SPATA19: variants seen among roughly 807,000 people sequenced by gnomAD.
The protein encoded by SPATA19 is spermatogenesis-associated protein 19, mitochondrial.
SPATA19 carries 19 observed loss-of-function variants against 25.0 expected under a neutral mutation model. The observed-to-expected ratio is 0.76, with a 90% CI of 0.53 to 1.11. The LOEUF is 1.11. Among genes scored for constraint, SPATA19 ranks in the 50% most tolerant of loss-of-function variants. The pLI is 0.00. For synonymous variants in SPATA19, 64 were observed against 69.3 expected (o/e 0.92, Z 0.38); for missense variants, 222 against 211.4 (o/e 1.05, Z -0.31).
At chr11:133,838,752 A>T (rs1345785520), downstream of SPATA19, among the ~76,000 whole-genome samples, 1 of 152,190 alleles carries the variant, frequency 6.6e-6, no homozygotes, top group Non-Finnish European at 1.5e-5. Context: ...CAACCTACAA[A>T]ATGGGAGAAA....
At chr11:133,841,081 G>A (rs190199427) in intron 6 of SPATA19, among the ~76,000 whole-genome samples, 158 bp from the exon 7 acceptor site, 9 of 152,176 alleles carry the variant, frequency 5.9e-5, no homozygotes, top group Non-Finnish European at 5.9e-5. Flanking sequence ...CAATTGATGC[G>A]GCATTTACCA....
chr11:133,844,379 GC>G, intron 3 of SPATA19, 42 bp from the exon 4 acceptor site: 1 of 1,611,218 alleles, frequency 6.2e-7, no homozygotes, highest in Non-Finnish European at 8.5e-7. Flanking sequence ...GCCCAGTGTG[GC>G]CCCCAACTGG....
chr11:133,845,243 T>TCAC, intron 1 of SPATA19, 53 bp from the exon 2 acceptor site: 1 of 1,555,102 alleles, frequency 6.4e-7, no homozygotes, highest in Non-Finnish European at 8.8e-7. Context: ...ATTCAGCTCT[T>TCAC]CCCACCCAGC....
rs1421829948 is a variant in SPATA19, at chr11:133,842,533, T to G, written c.389A>C (p.Glu130Ala). 1 of 1,613,860 alleles carries G rather than the reference T, an allele frequency of 6.2e-7. No homozygotes were observed. Among genetic ancestry groups the G allele is most frequent in the Non-Finnish European group, 8.5e-7 (1 of 1,179,968 alleles). Reference protein sequence around the residue: ...SHTRIFQVPSEMTEDIMRDRI... With the variant: ...SHTRIFQVPSAMTEDIMRDRI... ...ATCTCGCATGATGTCCTCTGTCATCTCACTTGGCACTTGGAAGATACGAGT... is the reference window on the plus strand; with the variant it reads ...ATCTCGCATGATGTCCTCTGTCATCGCACTTGGCACTTGGAAGATACGAGT... The change falls in exon 5 of 7, where the codon GAG becomes GCG. Residue 130 changes from glutamate to alanine, a missense_variant. Transcript: ENST00000299140.
At chr11:133,844,912 A>G (rs193068958) in intron 2 of SPATA19, among the ~76,000 whole-genome samples, 1 of 152,288 alleles carries the variant, frequency 6.6e-6, no homozygotes, top group Admixed American at 6.5e-5. Context: ...GATGCTTGAG[A>G]AGCAGGACGG....
chr11:133,841,934 T>G, intron 6 of SPATA19, 96 bp downstream of exon 6: 1 of 1,208,794 alleles, frequency 8.3e-7, no homozygotes, highest in South Asian at 1.2e-5. Context: ...AGGGAAAAGC[T>G]AAGCCTCTTT....
chr11:133,842,699 C>A lies in SPATA19; in HGVS notation c.360-137G>T, dbSNP rs2282601. 7.2e-4 allele frequency: 513 copies of A among 707,604 alleles called. 2 individuals are homozygous for A. The highest frequency in any genetic ancestry group is 2.9e-3 in the South Asian group (173 of 59,900). 43.8% of individuals were successfully genotyped at this position (707,604 alleles called of 1,614,324 possible). ...ATGAACTTTTGAGCTGGTCTCTCCC[C>A]CTTCTTGACTCATGAGCACAAAGCT... On this transcript the variant is annotated intron_variant, in intron 4 of 6. Transcript: ENST00000299140.
chr11:133,842,642 A>T (rs1051582893), intron 4 of SPATA19, 80 bp from the exon 5 acceptor site: 5 of 1,097,514 alleles, frequency 4.6e-6, no homozygotes, highest in Non-Finnish European at 4.2e-6. Context: ...TAGAGATGGG[A>T]TCCTGCAAAC....
chr11:133,836,395 G>A (rs1938212891), downstream of SPATA19, among the ~76,000 whole-genome samples: 1 of 152,214 alleles, frequency 6.6e-6, no homozygotes, highest in Non-Finnish European at 1.5e-5. Context: ...GGGCAGGGGA[G>A]GAACCTTAGC....
Position 133,844,542 on chromosome 11 carries a change from G to A in SPATA19, c.234C>T (p.Thr78=), listed in dbSNP as rs770773906. 7 of 1,614,170 alleles carry A rather than the reference G, an allele frequency of 4.3e-6. No homozygotes were observed. Among genetic ancestry groups the A allele is most frequent in the Non-Finnish European group, 3.4e-6 (4 of 1,180,028 alleles). The change falls in exon 3 of 7, where the codon ACC becomes ACT. Residue 78 remains threonine, a synonymous_variant. Transcript: ENST00000299140. ...REKMSTDSPP[T]HGQDIHVTRD... ...TGGTCACGTGGATGTCCTGGCCATG[G>A]GTGGGAGGGGAGTCAGTGGACATCT...
chr11:133,842,396 T>A (rs1938327574), intron 5 of SPATA19, 89 bp downstream of exon 5: 1 of 986,544 alleles, frequency 1.0e-6, no homozygotes, highest in Non-Finnish European at 1.6e-6. Context: ...GAGATAGCAT[T>A]GCTGGGTGTG....
At chr11:133,841,920 C>T (rs1475774550) in intron 6 of SPATA19, 110 bp downstream of exon 6, 3 of 1,060,784 alleles carry the variant, frequency 2.8e-6, no homozygotes, top group South Asian at 1.3e-5. Flanking sequence ...GGCCCTTCCC[C>T]AGTAGGGAAA....
In SPATA19 at chr11:133,844,576, A is replaced by C. The variant is rs1938380290; in HGVS notation, c.200T>G (p.Val67Gly). The change falls in exon 3 of 7, where the codon GTA becomes GGA. Residue 67 changes from valine to glycine, a missense_variant. By Grantham distance (109) the Val-to-Gly change is moderately radical. Coordinates refer to ENST00000299140, the MANE Select transcript of SPATA19 (RefSeq NM_174927.3). Reference sequence around the variant, plus strand: ...GGAGTCAGTGGACATCTTCTCCCTTACACCCTGGGAAGGGTGGTTGATGGA... The same window carrying C: ...GGAGTCAGTGGACATCTTCTCCCTTCCACCCTGGGAAGGGTGGTTGATGGA... ...KLSINHPSQG[V>G]REKMSTDSPP... is the part of the protein sequence containing the mutation. 3 of 1,613,876 alleles carry C rather than the reference A, an allele frequency of 1.9e-6. No individual in the cohort carries two copies. Among genetic ancestry groups the C allele is most frequent in the East Asian group, 4.5e-5 (2 of 44,886 alleles).
rs1185132512 is a variant in SPATA19, at chr11:133,842,073, T to TCCTG, written c.466_469dup (p.Asp157AlafsTer76). 1 of 1,613,982 alleles carries TCCTG rather than the reference T, an allele frequency of 6.2e-7. No homozygotes were observed. Among genetic ancestry groups the TCCTG allele is most frequent in the African/African-American group, 1.3e-5 (1 of 74,936 alleles). ...TGAGGAGGAGGGTCTCATACTGAAG[T>TCCTG]CCTGAGCTGAGACATCTGTAAGACG... On this transcript the variant is annotated frameshift_variant, in exon 6 of 7. Coordinates refer to ENST00000299140, the MANE Select transcript of SPATA19 (RefSeq NM_174927.3). LOFTEE classifies it high-confidence loss of function.
At chr11:133,842,127 G>A (rs748408493) in intron 5 of SPATA19, 22 bp from the exon 6 acceptor site, 1 of 1,612,898 alleles carries the variant, frequency 6.2e-7, no homozygotes, top group African/African-American at 1.3e-5. Flanking sequence ...AGAGGAGAAG[G>A]GCCAGGTGGA....
intron 5 of SPATA19, 129 bp from the exon 6 acceptor site, chr11:133,842,234 G>A: frequency 1.1e-6 from 1 of 931,378 alleles, no homozygotes; most frequent in Non-Finnish European, 1.7e-6. Context: ...CTGGGCCTGG[G>A]AGCACAGTCA....
At chr11:133,843,900 C>T (rs1414603967) in intron 4 of SPATA19, among the ~76,000 whole-genome samples, 1 of 152,248 alleles carries the variant, frequency 6.6e-6, no homozygotes, top group Non-Finnish European at 1.5e-5. Context: ...CAGATGAAAA[C>T]TTTGGCTTTT....
chr11:133,842,112 GGGACAGA>G lies in SPATA19; in HGVS notation c.438-14_438-8del, dbSNP rs1938321734. On this transcript the variant is annotated splice_polypyrimidine_tract_variant and splice_region_variant and intron_variant, in intron 5 of 6. Coordinates refer to ENST00000299140, the MANE Select transcript of SPATA19 (RefSeq NM_174927.3). ...ATCTGTAAGACGGGATATGCTGCAG[GGGACAGA>G]GGAGAAGGGCCAGGTGGAGGGAGGC... is the stretch of plus-strand genomic sequence containing the variant. 1 of 1,613,924 alleles carries G rather than the reference GGGACAGA, an allele frequency of 6.2e-7. No individual in the cohort carries two copies. The highest frequency in any genetic ancestry group is 8.5e-7 in the Non-Finnish European group (1 of 1,179,982).
At chr11:133,837,475 C>T (rs1834328053), downstream of SPATA19, among the ~76,000 whole-genome samples, 1 of 152,202 alleles carries the variant, frequency 6.6e-6, no homozygotes, top group Non-Finnish European at 1.5e-5. Context: ...CCTTTAGGAG[C>T]TCTACTAGCT....
Sources: gnomAD v4.1 joint callset for allele counts (sites outside exome capture counted in the v4.1 genomes callset) on GRCh38, gnomAD v4.1.1 for gene constraint, MANE v1.5 for transcripts, NCBI Gene and HGNC (gene_info 2026-07-23, HGNC 2026-07-21) for gene names.